AVEN: variants seen among roughly 807,000 people sequenced by gnomAD.
AVEN encodes apoptosis and caspase activation inhibitor.
Under a neutral mutation model 38.1 loss-of-function variants are expected in AVEN, and 41 were observed. That is an observed-to-expected ratio of 1.08 (90% CI 0.84 to 1.40). AVEN has a LOEUF of 1.40. Among genes scored for constraint, AVEN ranks in the 40% most tolerant of loss-of-function variants. The pLI is 0.00. For synonymous variants in AVEN, 206 were observed against 171.8 expected (o/e 1.20, Z -1.56); for missense variants, 605 against 438.8 (o/e 1.38, Z -3.38).
At chr15:33,873,962 C>T (rs774351976) in intron 3 of AVEN, among the ~76,000 whole-genome samples, 1 of 152,292 alleles carries the variant, frequency 6.6e-6, no homozygotes, top group African/African-American at 2.4e-5. Flanking sequence ...CTCAGGCTCT[C>T]GTTCTTTCCC....
intron 1 of AVEN, among the ~76,000 whole-genome samples, chr15:34,032,513 G>A (rs1292621304): frequency 6.6e-6 from 1 of 152,126 alleles, no homozygotes. Flanking sequence ...GCAAATGATG[G>A]ATAGCCAGAA....
chr15:33,858,030 C>T (rs757636552), downstream of AVEN: 353 of 1,265,050 alleles, frequency 2.8e-4, no homozygotes, highest in Non-Finnish European at 3.7e-4. Context: ...GAGTTAGTTA[C>T]AGAGCACAGC....
intron 2 of AVEN, among the ~76,000 whole-genome samples, chr15:33,961,765 A>G (rs1489018657): frequency 7.2e-6 from 1 of 138,150 alleles, no homozygotes; most frequent in African/African-American, 2.6e-5. Context: ...GTGAGCCGAG[A>G]TCGCGCCACT....
chr15:33,998,766 T>C (rs1487598280), intron 2 of AVEN, among the ~76,000 whole-genome samples: 1 of 152,160 alleles, frequency 6.6e-6, no homozygotes, highest in Non-Finnish European at 1.5e-5. Context: ...GACACTACAC[T>C]CTCTGGTTCT....
chr15:33,881,076 G>A (rs77044889), intron 2 of AVEN, among the ~76,000 whole-genome samples: 2,406 of 152,068 alleles, frequency 0.016, 31 homozygotes, highest in South Asian at 0.041. Flanking sequence ...GAATATAGAA[G>A]CTAATTTTAT....
rs141391385 is a variant in AVEN, at chr15:34,003,195, G to A, written c.282C>T (p.Ser94=). Residue 94 remains serine, a synonymous_variant, in exon 2 of 6, where the codon AGC becomes AGT. Transcript: ENST00000306730. The stretch of plus-strand genomic sequence containing the variant: ...TCTCTTCTCCATAGGTCTCTGCATC[G>A]CTGTCATCTTCAACCTGCAATCATT... ...AGASAPVEDD[S]DAETYGEEND... The A allele has an allele frequency of 5.8e-4, 935 of 1,612,978 alleles. 6 individuals are homozygous for A. The African/African-American group carries it at 0.011, about 18-fold the overall frequency.
At chr15:34,047,748 C>T (rs1899764283) in intron 5 of AVEN, among the ~76,000 whole-genome samples, 1 of 127,614 alleles carries the variant, frequency 7.8e-6, no homozygotes, top group Non-Finnish European at 1.7e-5. Context: ...CTTGTTTTGT[C>T]TTTGTTTTGT....
chr15:33,867,944 A>G, intron 4 of AVEN, 89 bp from the exon 5 acceptor site: 1 of 1,467,028 alleles, frequency 6.8e-7, no homozygotes, highest in African/African-American at 1.4e-5. Context: ...CGAAGCCATC[A>G]AACTTTGTGA....
intron 2 of AVEN, among the ~76,000 whole-genome samples, chr15:33,967,191 T>C (rs543111282): frequency 6.6e-6 from 1 of 152,248 alleles, no homozygotes; most frequent in African/African-American, 2.4e-5. Context: ...AAGACCACTA[T>C]AAAACTAAAA....
intron 5 of AVEN, among the ~76,000 whole-genome samples, chr15:34,059,848 C>A (rs1365358884): frequency 1.3e-5 from 2 of 152,208 alleles, no homozygotes; most frequent in Non-Finnish European, 1.5e-5. Context: ...TGTTGCACCC[C>A]TGCTATTTCT....
chr15:33,888,110 G>A (rs1432821218), intron 2 of AVEN, among the ~76,000 whole-genome samples: 1 of 151,676 alleles, frequency 6.6e-6, no homozygotes, highest in Non-Finnish European at 1.5e-5. Flanking sequence ...AGACCTATAT[G>A]AAAAAAAATA....
At chr15:34,000,597 G>A (rs778824254) in intron 2 of AVEN, among the ~76,000 whole-genome samples, 4 of 152,182 alleles carry the variant, frequency 2.6e-5, no homozygotes, top group Admixed American at 6.6e-5. Flanking sequence ...CTAGAAAGCA[G>A]AATTGTTTCA....
chr15:34,001,575 C>T (rs1897139866), intron 2 of AVEN, among the ~76,000 whole-genome samples: 1 of 152,026 alleles, frequency 6.6e-6, no homozygotes, highest in Non-Finnish European at 1.5e-5. Flanking sequence ...CCATAATTGG[C>T]CAAAATATAG....
At chr15:33,877,821 C>T (rs947281157) in intron 2 of AVEN, among the ~76,000 whole-genome samples, 4 of 152,130 alleles carry the variant, frequency 2.6e-5, no homozygotes, top group South Asian at 2.1e-4. Flanking sequence ...TGGTGGCACA[C>T]GCCTATAATC....
chr15:34,065,935 T>A (rs542890), intron 4 of AVEN: 150,744 of 152,338 alleles, frequency 0.99, 74,605 homozygotes, highest in Middle Eastern at 1. Context: ...GGATGGAAAA[T>A]TAGCTGGTTT....
At chr15:33,859,485 A>C (rs2080105690) in intron 11 of AVEN, 1 of 1,478,756 alleles carries the variant, frequency 6.8e-7, no homozygotes, top group Non-Finnish European at 9.3e-7. Context: ...GGGCTGCCAC[A>C]ATCTGACCGA....
intron 4 of AVEN, 27 bp from the exon 5 acceptor site, chr15:33,867,882 T>C: frequency 1.3e-6 from 2 of 1,532,672 alleles, no homozygotes; most frequent in South Asian, 1.3e-5. Context: ...AAAACTGAGT[T>C]AAAAATGTGA....
At chr15:33,930,085 G>T (rs1893783384) in intron 2 of AVEN, among the ~76,000 whole-genome samples, 1 of 152,180 alleles carries the variant, frequency 6.6e-6, no homozygotes, top group African/African-American at 2.4e-5. Flanking sequence ...AACAGATTAG[G>T]AAACTGTTCT....
chr15:34,057,613 G>A (rs946573168), intron 5 of AVEN, among the ~76,000 whole-genome samples: 1 of 152,136 alleles, frequency 6.6e-6, no homozygotes, highest in African/African-American at 2.4e-5. Flanking sequence ...CTGAGACTCA[G>A]GTTAAGTAAT....
Sources: gnomAD v4.1 joint callset for allele counts (sites outside exome capture counted in the v4.1 genomes callset) on GRCh38, gnomAD v4.1.1 for gene constraint, MANE v1.5 for transcripts, NCBI Gene and HGNC (gene_info 2026-07-23, HGNC 2026-07-21) for gene names.